MSI2: variants seen among roughly 807,000 people sequenced by gnomAD.
MSI2 encodes RNA-binding protein Musashi homolog 2.
Under a neutral mutation model 45.6 loss-of-function variants are expected in MSI2, and 17 were observed. The observed-to-expected ratio is 0.37, with a 90% CI of 0.26 to 0.56. The LOEUF (loss-of-function observed/expected upper bound fraction) is 0.56. Among genes scored for constraint, MSI2 ranks in the 20% least tolerant of loss-of-function variants. The probability of loss-of-function intolerance (pLI) is 0.77; values close to 1 mark genes in which losing one functional copy is unlikely to be tolerated. For missense variants in MSI2, 293 were observed against 444.2 expected (o/e 0.66, Z 3.06); for synonymous variants, 156 against 158.2 (o/e 0.99, Z 0.11).
intron 5 of MSI2, among the ~76,000 whole-genome samples, chr17:57,354,776 A>T (rs1430829610): frequency 6.6e-6 from 1 of 152,150 alleles, no homozygotes; most frequent in African/African-American, 2.4e-5. Flanking sequence ...ACAAAGGAGC[A>T]TGCGATGGGA....
chr17:57,341,324 A>G (rs1915133905), intron 5 of MSI2, among the ~76,000 whole-genome samples: 1 of 152,188 alleles, frequency 6.6e-6, no homozygotes, highest in African/African-American at 2.4e-5. Context: ...GTGCCCTTCT[A>G]CCTACCCACC....
chr17:57,341,333 C>CG (rs1915135126), intron 5 of MSI2, among the ~76,000 whole-genome samples: 2 of 152,298 alleles, frequency 1.3e-5, no homozygotes, highest in Admixed American at 1.3e-4. Flanking sequence ...TACCTACCCA[C>CG]CTGCATTTAA....
intron 6 of MSI2, among the ~76,000 whole-genome samples, chr17:57,455,842 C>T (rs1165466218): frequency 6.6e-6 from 1 of 152,226 alleles, no homozygotes; most frequent in Non-Finnish European, 1.5e-5. Flanking sequence ...TGCTCCTCCG[C>T]AGCACGCACA....
the MSI2 span, among the ~76,000 whole-genome samples, chr17:57,694,801 A>G: frequency 6.6e-6 from 1 of 152,198 alleles, no homozygotes; most frequent in Admixed American, 6.5e-5. Flanking sequence ...CTGGCTTGAT[A>G]GGTTAACTGC....
At chr17:57,418,697 G>A (rs1160545886) in intron 6 of MSI2, among the ~76,000 whole-genome samples, 2 of 152,212 alleles carry the variant, frequency 1.3e-5, no homozygotes. Context: ...CCTGAAAGTG[G>A]AAGGCCAAAG....
At chr17:57,446,247 A>G (rs2084898579) in intron 6 of MSI2, among the ~76,000 whole-genome samples, 1 of 152,178 alleles carries the variant, frequency 6.6e-6, no homozygotes, top group Admixed American at 6.5e-5. Flanking sequence ...CGCACAGCCC[A>G]TGCAGTTGCC....
At chr17:57,666,335 C>G (rs941673584) in intron 11 of MSI2, among the ~76,000 whole-genome samples, 1 of 152,210 alleles carries the variant, frequency 6.6e-6, no homozygotes, top group African/African-American at 2.4e-5. Flanking sequence ...TACACAGCTG[C>G]TCTTACAAGA....
intron 5 of MSI2, among the ~76,000 whole-genome samples, chr17:57,272,767 C>T (rs187983050): frequency 2.6e-5 from 4 of 152,286 alleles, no homozygotes; most frequent in East Asian, 1.9e-4. Context: ...TCCCATTCCT[C>T]GCCATGGCAT....
chr17:57,413,658 G>A (rs2084239216), intron 6 of MSI2, among the ~76,000 whole-genome samples: 1 of 151,830 alleles, frequency 6.6e-6, no homozygotes, highest in South Asian at 2.1e-4. Flanking sequence ...CCTCATTTAA[G>A]TTTTTCTTTC....
intron 5 of MSI2, among the ~76,000 whole-genome samples, chr17:57,390,468 G>A (rs963391225): frequency 5.9e-5 from 9 of 152,196 alleles, no homozygotes; most frequent in African/African-American, 1.9e-4. Flanking sequence ...CAGGCCATGC[G>A]AATGTGCAGC....
intron 7 of MSI2, among the ~76,000 whole-genome samples, chr17:57,577,530 T>C (rs16958555): frequency 6.6e-6 from 1 of 152,300 alleles, no homozygotes; most frequent in South Asian, 2.1e-4. Flanking sequence ...TACCAGTTAT[T>C]TACTGCCATG....
intron 6 of MSI2, among the ~76,000 whole-genome samples, chr17:57,495,261 G>T (rs952269425): frequency 4.6e-5 from 7 of 152,138 alleles, no homozygotes; most frequent in Non-Finnish European, 1.0e-4. Flanking sequence ...GGCCGGGCAC[G>T]GTGGCTCACG....
chr17:57,633,845 A>C (rs1050983839), intron 10 of MSI2, among the ~76,000 whole-genome samples: 9 of 152,198 alleles, frequency 5.9e-5, no homozygotes, highest in Admixed American at 3.3e-4. Context: ...GTGGGCACTG[A>C]TGTTCTTACT....
Position 57,616,063 on chromosome 17 carries a change from A to G in MSI2, c.631A>G (p.Met211Val), listed in dbSNP as rs1325847819. 2 of 1,613,936 alleles carry G rather than the reference A, an allele frequency of 1.2e-6. No homozygotes were observed. The highest frequency in any genetic ancestry group is 1.7e-6 in the Non-Finnish European group (2 of 1,179,958). The change falls in exon 9 of 14, where the codon ATG becomes GTG. Residue 211 changes from methionine (M) to valine (V), a missense_variant. Coordinates refer to ENST00000284073, the MANE Select transcript of MSI2 (RefSeq NM_138962.4). ...RGLPYTMDAF[M>V]LGMGMLGYPN... ...ACTGCCTTACACCATGGACGCGTTC[A>G]TGCTTGGCATGGGGATGCTGGGTGA...
intron 5 of MSI2, among the ~76,000 whole-genome samples, chr17:57,331,027 C>T (rs1914214621): frequency 6.6e-6 from 1 of 152,014 alleles, no homozygotes; most frequent in Admixed American, 6.6e-5. Context: ...AATTCTCCTG[C>T]CTCAGCCTCC....
chr17:57,457,624 A>G (rs1160160237), intron 6 of MSI2, among the ~76,000 whole-genome samples: 1 of 152,168 alleles, frequency 6.6e-6, no homozygotes, highest in Non-Finnish European at 1.5e-5. Context: ...GCCAGGCACG[A>G]TAATTCATGA....
At chr17:57,410,417 T>G (rs2084173500) in intron 6 of MSI2, among the ~76,000 whole-genome samples, 1 of 152,062 alleles carries the variant, frequency 6.6e-6, no homozygotes, top group African/African-American at 2.4e-5. Context: ...AAGTGTTAGA[T>G]GAGCAAGTGG....
At chr17:57,531,467 A>G (rs2086820979) in intron 7 of MSI2, among the ~76,000 whole-genome samples, 1 of 152,226 alleles carries the variant, frequency 6.6e-6, no homozygotes, top group South Asian at 2.1e-4. Context: ...GGGTCTCAGG[A>G]CTATTGATTT....
chr17:57,568,044 T>G (rs1366712217), intron 7 of MSI2, among the ~76,000 whole-genome samples: 2 of 152,186 alleles, frequency 1.3e-5, no homozygotes, highest in Non-Finnish European at 2.9e-5. Context: ...TGAATTGATC[T>G]AACTCCAAGA....
Sources: gnomAD v4.1 joint callset for allele counts (sites outside exome capture counted in the v4.1 genomes callset) on GRCh38, gnomAD v4.1.1 for gene constraint, MANE v1.5 for transcripts, NCBI Gene and HGNC (gene_info 2026-07-23, HGNC 2026-07-21) for gene names.